TGFB2: variants seen among roughly 807,000 people sequenced by gnomAD.
TGFB2 encodes the protein transforming growth factor beta-2 proprotein.
TGFB2 carries 13 observed loss-of-function variants against 42.7 expected under a neutral mutation model. The observed-to-expected ratio is 0.30, with a 90% CI of 0.20 to 0.48. TGFB2 has a LOEUF of 0.48. Among genes scored for constraint, TGFB2 ranks in the 20% least tolerant of loss-of-function variants. The probability of loss-of-function intolerance (pLI) is 0.99; values close to 1 mark genes in which losing one functional copy is unlikely to be tolerated. For missense variants in TGFB2, 390 were observed against 517.5 expected, an observed-to-expected ratio of 0.75 and a Z score of 2.39; for synonymous variants, 193 against 193.6, an observed-to-expected ratio of 1.00 and a Z score of 0.03.
intron 1 of TGFB2, among the ~76,000 whole-genome samples, chr1:218,403,804 G>A (rs1437840058): frequency 1.3e-5 from 2 of 152,268 alleles, no homozygotes; most frequent in East Asian, 3.9e-4. Context: ...TTGTAATGAA[G>A]TCAGATAATT....
chr1:218,370,995 C>T (rs772235713), intron 1 of TGFB2, among the ~76,000 whole-genome samples: 8 of 152,094 alleles, frequency 5.3e-5, no homozygotes, highest in South Asian at 2.1e-4. Flanking sequence ...GGAAAGGTTT[C>T]GCCCACTTTA....
chr1:218,353,188 A>G (rs1293724755), intron 1 of TGFB2, among the ~76,000 whole-genome samples: 2 of 152,202 alleles, frequency 1.3e-5, no homozygotes, highest in Non-Finnish European at 2.9e-5. Context: ...AACCACTTCC[A>G]TTAACCTCGG....
intron 1 of TGFB2, among the ~76,000 whole-genome samples, chr1:218,367,675 C>T (rs918532659): frequency 6.6e-6 from 1 of 152,060 alleles, no homozygotes; most frequent in Non-Finnish European, 1.5e-5. Flanking sequence ...ATTTTACCTC[C>T]GCATAAGTCT....
intron 4 of TGFB2, among the ~76,000 whole-genome samples, chr1:218,435,157 A>G (rs963381347): frequency 2.0e-4 from 31 of 152,186 alleles, no homozygotes; most frequent in Non-Finnish European, 4.1e-4. Context: ...TCTGCCCACA[A>G]TGCCAGGCCA....
chr1:218,392,866 G>T (rs1243779873), intron 1 of TGFB2, among the ~76,000 whole-genome samples: 1 of 152,142 alleles, frequency 6.6e-6, no homozygotes, highest in African/African-American at 2.4e-5. Context: ...GGTTAAGTTG[G>T]TAAACAGCTT....
intron 1 of TGFB2, among the ~76,000 whole-genome samples, chr1:218,352,142 G>T (rs1363083346): frequency 5.4e-5 from 1 of 18,456 alleles, no homozygotes; most frequent in Non-Finnish European, 1.1e-4. Context: ...ACCCCACCCC[G>T]CCCCATTATA....
chr1:218,426,801 A>G (rs528697199), intron 2 of TGFB2, among the ~76,000 whole-genome samples: 16 of 152,342 alleles, frequency 1.1e-4, no homozygotes, highest in Admixed American at 2.6e-4. Context: ...CTTAAAACAA[A>G]TATATATGTA....
intron 2 of TGFB2, among the ~76,000 whole-genome samples, chr1:218,430,784 T>C (rs866614888): frequency 1.3e-5 from 2 of 152,254 alleles, no homozygotes; most frequent in Non-Finnish European, 2.9e-5. Flanking sequence ...CATGAAGCTG[T>C]AGGAGGAATA....
intron 1 of TGFB2, among the ~76,000 whole-genome samples, chr1:218,403,966 T>A (rs1658818249): frequency 6.7e-6 from 1 of 148,318 alleles, no homozygotes; most frequent in Admixed American, 6.7e-5. Flanking sequence ...AAATGAATAT[T>A]GTATTTGAAA....
chr1:218,385,063 G>C lies in TGFB2; in HGVS notation c.347-20106G>C, dbSNP rs529640788. Among the ~76,000 whole-genome samples, 37 of 152,280 alleles carry C rather than the reference G, an allele frequency of 2.4e-4. No individual in the cohort carries two copies. The South Asian group carries it at 7.7e-3, about 32-fold the overall frequency. On this transcript the variant is annotated intron_variant, in intron 1 of 6. Transcript: ENST00000366930. Reference sequence around the variant, plus strand: ...TGTTTGGGATGGGTGTGGTGAGTGGGAGGAACACCTGTTAGGAGGTAGGAT... The same window carrying C: ...TGTTTGGGATGGGTGTGGTGAGTGGCAGGAACACCTGTTAGGAGGTAGGAT...
At chr1:218,408,629 A>G (rs994491101) in intron 2 of TGFB2, among the ~76,000 whole-genome samples, 32 of 152,334 alleles carry the variant, frequency 2.1e-4, no homozygotes, top group South Asian at 2.1e-4. Context: ...GACAACTCAC[A>G]CACACTTTTG....
At chr1:218,379,045 C>G (rs753206303) in intron 1 of TGFB2, among the ~76,000 whole-genome samples, 7 of 152,102 alleles carry the variant, frequency 4.6e-5, no homozygotes, top group Non-Finnish European at 8.8e-5. Flanking sequence ...CATGACCTGC[C>G]ACCCACAAGG....
At chr1:218,384,078 A>G (rs1479102264) in intron 1 of TGFB2, among the ~76,000 whole-genome samples, 1 of 152,156 alleles carries the variant, frequency 6.6e-6, no homozygotes, top group Non-Finnish European at 1.5e-5. Context: ...AAGGTCACAG[A>G]TATTCCCCCC....
chr1:218,392,456 G>A (rs186195306), intron 1 of TGFB2, among the ~76,000 whole-genome samples: 17 of 152,336 alleles, frequency 1.1e-4, no homozygotes, highest in Non-Finnish European at 2.2e-4. Context: ...ACCCACTTAT[G>A]TGGTGTAGCT....
intron 1 of TGFB2, among the ~76,000 whole-genome samples, chr1:218,369,352 C>T (rs1207179529): frequency 6.8e-6 from 1 of 147,858 alleles, no homozygotes; most frequent in Non-Finnish European, 1.5e-5. Flanking sequence ...CTTCGTGATG[C>T]ATCAGGATGG....
intron 6 of TGFB2, 90 bp from the exon 7 acceptor site, chr1:218,441,114 C>T: frequency 1.5e-6 from 2 of 1,301,112 alleles, no homozygotes; most frequent in South Asian, 1.4e-5. Flanking sequence ...AGTGCTGTGA[C>T]TGCTAACAAT....
intron 1 of TGFB2, among the ~76,000 whole-genome samples, chr1:218,351,271 T>C (rs1368028520): frequency 1.3e-5 from 2 of 152,246 alleles, no homozygotes; most frequent in Non-Finnish European, 2.9e-5. Flanking sequence ...TTTTACTATT[T>C]TATTTTTTAG....
At chr1:218,404,510 T>A (rs983574313) in intron 1 of TGFB2, among the ~76,000 whole-genome samples, 22 of 152,200 alleles carry the variant, frequency 1.4e-4, no homozygotes, top group African/African-American at 5.1e-4. Context: ...TTTTTCTTCA[T>A]TAGCTAGGAT....
Position 218,441,339 on chromosome 1 carries a change from G to A in TGFB2, c.1222G>A (p.Val408Ile). Reference protein sequence around the residue: ...PKIEQLSNMIVKSCKCS With the variant: ...PKIEQLSNMIIKSCKCS ...GATTGAACAGCTTTCTAATATGATT[G>A]TAAAGTCTTGCAAATGCAGCTAAAA... The change falls in exon 7 of 7, where the codon GTA becomes ATA. Residue 408 changes from valine to isoleucine, a missense_variant. Transcript: ENST00000366930. 6.2e-7 allele frequency: 1 copy of A among 1,607,192 alleles called. No homozygotes were observed. Among genetic ancestry groups the A allele is most frequent in the Non-Finnish European group, 8.5e-7 (1 of 1,178,432 alleles).
Sources: allele counts gnomAD v4.1 joint callset (sites outside exome capture counted in the v4.1 genomes callset), GRCh38; gene constraint gnomAD v4.1.1; transcripts MANE v1.5; gene names NCBI Gene and HGNC (gene_info 2026-07-23, HGNC 2026-07-21).